PPARGC1A: variants seen among roughly 807,000 people sequenced by gnomAD.
PPARGC1A encodes the protein peroxisome proliferator-activated receptor gamma coactivator 1-alpha.
A neutral mutation model predicts 88.7 loss-of-function variants in PPARGC1A; 25 were observed. That is an observed-to-expected ratio of 0.28 (90% CI 0.21 to 0.39). The LOEUF (loss-of-function observed/expected upper bound fraction) is 0.39. PPARGC1A is among the 10% of genes least tolerant of loss of function. PPARGC1A has a pLI of 1.00. For synonymous variants in PPARGC1A, 363 were observed against 355.6 expected, an observed-to-expected ratio of 1.02 and a Z score of -0.24; for missense variants, 880 against 968.7, an observed-to-expected ratio of 0.91 and a Z score of 1.22.
At chr4:24,180,722 A>G in the PPARGC1A span, among the ~76,000 whole-genome samples, 2 of 152,144 alleles carry the variant, frequency 1.3e-5, no homozygotes, top group African/African-American at 4.8e-5. Flanking sequence ...TAAATATCAC[A>G]GGCCCTTACA....
chr4:23,802,342 C>T lies in PPARGC1A; in HGVS notation c.2023G>A (p.Glu675Lys), dbSNP rs778274929. 4 of 1,613,850 alleles carry T rather than the reference C, an allele frequency of 2.5e-6. No homozygotes were observed. In the Admixed American group the frequency reaches 5.0e-5, roughly 20 times the overall value. ...TTACCGACATAAATCACACGGCGCT[C>T]TTCCTATGGGGGGAAGGAAGGAGAG... ...RERQRQKAIE[E>K]RRVIYVGKIR... Residue 675 changes from glutamate (E) to lysine (K), a missense_variant, in exon 11 of 13, where the codon GAG becomes AAG. Coordinates refer to ENST00000264867, the MANE Select transcript of PPARGC1A (RefSeq NM_013261.5).
the PPARGC1A span, among the ~76,000 whole-genome samples, chr4:24,444,041 ATTG>A: frequency 2.0e-5 from 3 of 151,050 alleles, no homozygotes; most frequent in African/African-American, 4.9e-5. Context: ...TGTTGTTGTT[ATTG>A]TTGTTGTTGT....
chr4:24,135,612 CTGCAAAATG>C, the PPARGC1A span, among the ~76,000 whole-genome samples: 1 of 152,198 alleles, frequency 6.6e-6, no homozygotes, highest in Non-Finnish European at 1.5e-5. Flanking sequence ...CTCCTCCCAT[CTGCAAAATG>C]TTTGCAGATG....
the PPARGC1A span, among the ~76,000 whole-genome samples, chr4:24,437,599 T>C: frequency 5.9e-5 from 4 of 67,784 alleles, no homozygotes; most frequent in African/African-American, 2.5e-4. Flanking sequence ...GGTTTTTTGT[T>C]GTTGTTGTTG....
At chr4:23,916,493 C>T in the PPARGC1A span, among the ~76,000 whole-genome samples, 2 of 152,102 alleles carry the variant, frequency 1.3e-5, no homozygotes, top group Non-Finnish European at 2.9e-5. Context: ...TTTATATGTG[C>T]ATGTGTGTGT....
chr4:24,392,267 C>A, the PPARGC1A span, among the ~76,000 whole-genome samples: 1 of 152,136 alleles, frequency 6.6e-6, no homozygotes, highest in Non-Finnish European at 1.5e-5. Flanking sequence ...AATAAAGATT[C>A]TCACTTCATA....
the PPARGC1A span, among the ~76,000 whole-genome samples, chr4:24,175,019 C>T: frequency 2.0e-5 from 3 of 152,172 alleles, no homozygotes; most frequent in African/African-American, 7.2e-5. Flanking sequence ...AATCTTGTTG[C>T]TCGGGGCCTA....
chr4:24,175,688 G>A, the PPARGC1A span, among the ~76,000 whole-genome samples: 1 of 151,346 alleles, frequency 6.6e-6, no homozygotes, highest in Non-Finnish European at 1.5e-5. Context: ...GCGCCCAGTC[G>A]ATTTTTTTTG....
At chr4:24,155,117 GTT>G in the PPARGC1A span, among the ~76,000 whole-genome samples, 1 of 143,482 alleles carries the variant, frequency 7.0e-6, no homozygotes, top group Non-Finnish European at 1.5e-5. Flanking sequence ...TCGAACCTCG[GTT>G]TTGTTTTTTT....
chr4:24,055,663 A>C, the PPARGC1A span, among the ~76,000 whole-genome samples: 1 of 152,244 alleles, frequency 6.6e-6, no homozygotes, highest in African/African-American at 2.4e-5. Context: ...TACAGAAGTG[A>C]ATAGGAACTT....
the PPARGC1A span, among the ~76,000 whole-genome samples, chr4:24,467,764 G>A: frequency 6.6e-6 from 1 of 152,120 alleles, no homozygotes; most frequent in South Asian, 2.1e-4. Context: ...AAGACACAGT[G>A]AGTATACAGA....
At chr4:24,223,012 A>G in the PPARGC1A span, among the ~76,000 whole-genome samples, 1 of 152,206 alleles carries the variant, frequency 6.6e-6, no homozygotes, top group Admixed American at 6.5e-5. Context: ...AACTAGGCAC[A>G]TATACTCAAG....
chr4:24,073,472 C>T, the PPARGC1A span, among the ~76,000 whole-genome samples: 28 of 152,304 alleles, frequency 1.8e-4, no homozygotes, highest in South Asian at 4.1e-3. Flanking sequence ...TCTGCTTTTC[C>T]GTCTCTTGAA....
the PPARGC1A span, among the ~76,000 whole-genome samples, chr4:24,225,827 C>T: frequency 6.6e-6 from 1 of 152,070 alleles, no homozygotes; most frequent in Non-Finnish European, 1.5e-5. Flanking sequence ...GATATTCAAG[C>T]AGAGTTGTCC....
chr4:24,115,013 T>C, the PPARGC1A span, among the ~76,000 whole-genome samples: 1 of 152,148 alleles, frequency 6.6e-6, no homozygotes, highest in East Asian at 1.9e-4. Context: ...ATAAAAGCAA[T>C]TTCTCCAGTA....
chr4:24,406,204 G>A, the PPARGC1A span, among the ~76,000 whole-genome samples: 1 of 152,198 alleles, frequency 6.6e-6, no homozygotes, highest in African/African-American at 2.4e-5. Context: ...TCTCGCCCTG[G>A]GTGGTTAGTA....
At chr4:24,241,482 A>C in the PPARGC1A span, among the ~76,000 whole-genome samples, 1 of 152,212 alleles carries the variant, frequency 6.6e-6, no homozygotes, top group African/African-American at 2.4e-5. Flanking sequence ...CAGACATATT[A>C]TTTTGCATCC....
At chr4:23,919,151 C>T in the PPARGC1A span, among the ~76,000 whole-genome samples, 8 of 152,284 alleles carry the variant, frequency 5.3e-5, no homozygotes, top group African/African-American at 1.7e-4. Context: ...AGGGCAGCAA[C>T]TTTACATACA....
chr4:24,264,914 A>C, the PPARGC1A span, among the ~76,000 whole-genome samples: 4 of 152,208 alleles, frequency 2.6e-5, no homozygotes, highest in Non-Finnish European at 5.9e-5. Flanking sequence ...AAGTTTTAGA[A>C]ACAACAAAGA....
Sources: gnomAD v4.1 joint callset for allele counts (sites outside exome capture counted in the v4.1 genomes callset) on GRCh38, gnomAD v4.1.1 for gene constraint, MANE v1.5 for transcripts, NCBI Gene and HGNC (gene_info 2026-07-23, HGNC 2026-07-21) for gene names.